SMCO3: variants seen among roughly 807,000 people sequenced by gnomAD.
The protein encoded by SMCO3 is single-pass membrane and coiled-coil domain-containing protein 3.
SMCO3 carries 6 observed loss-of-function variants against 12.0 expected under a neutral mutation model. That is an observed-to-expected ratio of 0.50 (90% CI 0.27 to 0.99). The LOEUF (loss-of-function observed/expected upper bound fraction) is 0.99. SMCO3 is among the 50% of genes least tolerant of loss of function. SMCO3 has a pLI of 0.11. For synonymous variants in SMCO3, 96 were observed against 96.4 expected, an observed-to-expected ratio of 1.00 and a Z score of 0.02; for missense variants, 279 against 265.0, an observed-to-expected ratio of 1.05 and a Z score of -0.37.
chr12:14,810,970 C>G (rs1027908535), intron 1 of SMCO3, among the ~76,000 whole-genome samples: 1 of 152,210 alleles, frequency 6.6e-6, no homozygotes, highest in South Asian at 2.1e-4. Context: ...ATATTGTGCC[C>G]GAGAGGAGTT....
intron 1 of SMCO3, 22 bp from the exon 2 acceptor site, chr12:14,806,718 T>C: frequency 1.3e-6 from 2 of 1,539,000 alleles, no homozygotes; most frequent in Non-Finnish European, 1.7e-6. Flanking sequence ...AATGGTAAAT[T>C]TTTACTGAAA....
chr12:14,806,327 C>T lies in SMCO3; in HGVS notation c.354G>A (p.Ser118=), dbSNP rs368190780. The part of the protein sequence containing the change: ...DKIAIVQKVI[S]VILGEATSAA... ...CAGATGTAGCTTCTCCCAGGATGACCGAAATAACCTTTTGCACTATTGCAA... is the reference window on the plus strand; with the variant it reads ...CAGATGTAGCTTCTCCCAGGATGACTGAAATAACCTTTTGCACTATTGCAA... The change falls in exon 2 of 2, where the codon TCG becomes TCA. Residue 118 remains serine, a synonymous_variant. Transcript: ENST00000316048. 8.2e-5 allele frequency: 133 copies of T among 1,614,028 alleles called. No homozygotes were observed. Among genetic ancestry groups the T allele is most frequent in the Middle Eastern group, 1.6e-4 (1 of 6,084 alleles).
chr12:14,807,451 T>G (rs575114839), intron 1 of SMCO3, among the ~76,000 whole-genome samples: 2 of 152,224 alleles, frequency 1.3e-5, no homozygotes, highest in Non-Finnish European at 2.9e-5. Context: ...GGAGTTAAAC[T>G]CTAGTCAGGG....
intron 1 of SMCO3, among the ~76,000 whole-genome samples, chr12:14,813,222 T>C (rs1950167795): frequency 6.6e-6 from 1 of 152,212 alleles, no homozygotes; most frequent in African/African-American, 2.4e-5. Flanking sequence ...AAACCTCTGA[T>C]GTTTAGTCGT....
At chr12:14,813,834 T>C (rs764182956) in intron 1 of SMCO3, among the ~76,000 whole-genome samples, 2 of 152,192 alleles carry the variant, frequency 1.3e-5, no homozygotes, top group Non-Finnish European at 2.9e-5. Context: ...TATCATTTCA[T>C]CCTTAATCCT....
At position 14,804,724 on chromosome 12, in the gene SMCO3, G is replaced by C. The variant is rs928917497; in HGVS notation, c.*1279C>G. 2.0e-5 allele frequency: 3 copies of C among 152,230 alleles called. No individual in the cohort carries two copies. The highest frequency in any genetic ancestry group is 2.1e-4 in the South Asian group (1 of 4,824). 9.4% of individuals were successfully genotyped at this position (152,230 alleles called of 1,614,324 possible). A position where few individuals can be genotyped will look rare whatever the true frequency, so the allele number is the denominator to read the frequency against. ...CTAACACATTAGTGATCATAGTTTT[G>C]CAACTCGTTTTGAAAAACAATGCAA... On this transcript the variant is annotated 3_prime_UTR_variant, in exon 2 of 2. Transcript: ENST00000316048.
At chr12:14,807,805 G>A (rs967782801) in intron 1 of SMCO3, among the ~76,000 whole-genome samples, 2 of 152,096 alleles carry the variant, frequency 1.3e-5, no homozygotes, top group Admixed American at 6.6e-5. Context: ...AAATAGTATC[G>A]CACTTGGGCA....
At chr12:14,810,209 C>T (rs1950115698) in intron 1 of SMCO3, among the ~76,000 whole-genome samples, 1 of 152,178 alleles carries the variant, frequency 6.6e-6, no homozygotes, top group Non-Finnish European at 1.5e-5. Context: ...ATATCTTCAG[C>T]AGGCCTGCCA....
chr12:14,809,926 A>G (rs1251093242), intron 1 of SMCO3, among the ~76,000 whole-genome samples: 1 of 152,254 alleles, frequency 6.6e-6, no homozygotes, highest in Non-Finnish European at 1.5e-5. Context: ...CTAGAAATCA[A>G]AGTGTAAGAC....
Position 14,804,788 on chromosome 12 carries a change from A to T in SMCO3, c.*1215T>A, listed in dbSNP as rs2137249495. ...AAACAGTGTATGTTGGAAATATTAA[A>T]GTCTTTCATGTAGCTAAAATTTTAT... On this transcript the variant is annotated 3_prime_UTR_variant, in exon 2 of 2. Transcript: ENST00000316048. 1 of 152,284 alleles carries T rather than the reference A, an allele frequency of 6.6e-6. No homozygotes were observed. The highest frequency in any genetic ancestry group is 1.9e-4 in the East Asian group (1 of 5,190). 9.4% of individuals were successfully genotyped at this position (152,284 alleles called of 1,614,324 possible).
At chr12:14,811,241 T>C (rs1292718031) in intron 1 of SMCO3, among the ~76,000 whole-genome samples, 4 of 152,236 alleles carry the variant, frequency 2.6e-5, no homozygotes, top group African/African-American at 9.6e-5. Context: ...TAGTTATCCA[T>C]GAAATGGGTT....
At chr12:14,808,822 C>T (rs554700712) in intron 1 of SMCO3, among the ~76,000 whole-genome samples, 65 of 152,304 alleles carry the variant, frequency 4.3e-4, no homozygotes, top group African/African-American at 1.5e-3. Flanking sequence ...AACAGACACA[C>T]ATTTCCACAA....
In SMCO3 at chr12:14,805,942, A is replaced by C. The variant is rs1654263612; in HGVS notation, c.*61T>G. 6 of 1,479,700 alleles carry C rather than the reference A, an allele frequency of 4.1e-6. No individual in the cohort carries two copies. The African/African-American group carries it at 5.6e-5, about 14-fold the overall frequency. The allele number at this position is 1,479,700 out of a possible 1,614,324, so 91.7% of individuals were successfully genotyped here. A position where few individuals can be genotyped will look rare whatever the true frequency, so the allele number is the denominator to read the frequency against. ...TATAGAAAATGAACCTAATCAAAGA[A>C]GCAAACACTGTTACTGAAAAGGAAG... On this transcript the variant is annotated 3_prime_UTR_variant, in exon 2 of 2. Transcript: ENST00000316048.
chr12:14,806,701 AAAAT>A lies in SMCO3; in HGVS notation c.-16-9_-16-6del. On this transcript the variant is annotated splice_region_variant and splice_polypyrimidine_tract_variant and intron_variant, in intron 1 of 1. Transcript: ENST00000316048. ...GCCATATTTCCAATATGATCGCTGA[AAAAT>A]AAAATGGTAAATTTTTACTGAAAGT... 1.3e-6 allele frequency: 2 copies of A among 1,554,804 alleles called. No individual in the cohort carries two copies. The highest frequency in any genetic ancestry group is 1.7e-6 in the Non-Finnish European group (2 of 1,155,106).
At chr12:14,808,767 T>C (rs1289952407) in intron 1 of SMCO3, among the ~76,000 whole-genome samples, 4 of 152,228 alleles carry the variant, frequency 2.6e-5, no homozygotes, top group African/African-American at 4.8e-5. Context: ...TATCCTTGAT[T>C]CAAATCCAGC....
intron 1 of SMCO3, among the ~76,000 whole-genome samples, chr12:14,810,849 AT>A (rs928629356): frequency 2.0e-5 from 3 of 152,296 alleles, no homozygotes; most frequent in African/African-American, 7.2e-5. Context: ...TCCCAAAGTG[AT>A]TACTCCACTC....
Position 14,806,414 on chromosome 12 carries a change from A to G in SMCO3, c.267T>C (p.Asp89=), listed in dbSNP as rs753356358. 3 of 1,614,132 alleles carry G rather than the reference A, an allele frequency of 1.9e-6. No individual in the cohort carries two copies. The South Asian group carries it at 3.3e-5, about 18-fold the overall frequency. The change falls in exon 2 of 2, where the codon GAT becomes GAC. Residue 89 remains aspartate, a synonymous_variant. Coordinates refer to ENST00000316048, the MANE Select transcript of SMCO3 (RefSeq NM_001013698.2). Reference sequence around the variant, plus strand: ...TTCTATAGAGGGTTGGCTCTAGCTTATCTTTTAGTGCTTCATCAACCTTCT... The same window carrying G: ...TTCTATAGAGGGTTGGCTCTAGCTTGTCTTTTAGTGCTTCATCAACCTTCT... ...ELQKVDEALK[D]KLEPTLYRKL... is the part of the protein sequence containing the mutation.
chr12:14,806,810 C>A lies in SMCO3; in HGVS notation c.-16-114G>T, dbSNP rs1592229561. On this transcript the variant is annotated intron_variant, in intron 1 of 1. Coordinates refer to ENST00000316048, the MANE Select transcript of SMCO3 (RefSeq NM_001013698.2). Reference sequence around the variant, plus strand: ...GCATAGCAAAGAAGCAAGATGCTGTCTAAGGATAATTCCTCAGAACACTCA... The same window carrying A: ...GCATAGCAAAGAAGCAAGATGCTGTATAAGGATAATTCCTCAGAACACTCA... The A allele has an allele frequency of 4.1e-6, 4 of 966,106 alleles. No individual in the cohort carries two copies. The East Asian group carries it at 9.8e-5, about 24-fold the overall frequency. 59.8% of individuals were successfully genotyped at this position (966,106 alleles called of 1,614,324 possible).
At chr12:14,813,621 T>C (rs1330253111) in intron 1 of SMCO3, among the ~76,000 whole-genome samples, 1 of 152,242 alleles carries the variant, frequency 6.6e-6, no homozygotes, top group Admixed American at 6.5e-5. Context: ...CTCAAGACGA[T>C]AACAGCCTGT....
Sources: allele counts gnomAD v4.1 joint callset (sites outside exome capture counted in the v4.1 genomes callset), GRCh38; gene constraint gnomAD v4.1.1; transcripts MANE v1.5; gene names NCBI Gene and HGNC (gene_info 2026-07-23, HGNC 2026-07-21).